The following AMN1 variants were observed in gnomAD, a reference collection of about 807,000 sequenced individuals.
The protein encoded by AMN1 is protein AMN1 homolog.
In AMN1, 20 loss-of-function variants were observed where a neutral mutation model predicts 33.0. The ratio of observed to expected loss-of-function variants is 0.61; its 90% CI spans 0.43 to 0.88. AMN1 has a LOEUF of 0.88. Ranked by LOEUF, AMN1 falls within the 40% of genes least tolerant of loss-of-function variation. The probability of loss-of-function intolerance (pLI) is 0.00; values close to 1 mark genes in which losing one functional copy is unlikely to be tolerated. For synonymous variants in AMN1, 114 were observed against 111.9 expected (o/e 1.02, Z -0.12); for missense variants, 246 against 307.4 (o/e 0.80, Z 1.49).
chr12:31,689,507 T>TA lies in AMN1; in HGVS notation c.592-390dup, dbSNP rs147541761. 9.7e-3 allele frequency among the ~76,000 whole-genome samples: 1,476 copies of TA among 152,268 alleles called. 21 individuals are homozygous for TA. Among genetic ancestry groups the TA allele is most frequent in the African/African-American group, 0.034 (1,397 of 41,562 alleles). ...AAATCAATGCTTTATAGAAAACAGC[T>TA]AAAATGAAAAATATCTACTTGTATT... On this transcript the variant is annotated intron_variant, in intron 5 of 6. Coordinates refer to ENST00000281471, the MANE Select transcript of AMN1 (RefSeq NM_001113402.2).
At position 31,702,087 on chromosome 12, in the gene AMN1, G is replaced by C. The variant is rs192752736; in HGVS notation, c.172-80C>G. 2.4e-6 allele frequency: 3 copies of C among 1,268,028 alleles called. No individual in the cohort carries two copies. In the African/African-American group the frequency reaches 4.6e-5, roughly 20 times the overall value. The allele number at this position is 1,268,028 out of a possible 1,614,324, so 78.5% of individuals were successfully genotyped here. ...TTATTCCATATTCAGTGTTTTGGTG[G>C]TCATAACAGACAAGTGGCTGATGTA... On this transcript the variant is annotated intron_variant, in intron 2 of 6. Coordinates refer to ENST00000281471, the MANE Select transcript of AMN1 (RefSeq NM_001113402.2).
chr12:31,687,792 T>C lies in AMN1; in HGVS notation c.703+1215A>G, dbSNP rs1938331175. On this transcript the variant is annotated intron_variant, in intron 6 of 6. Coordinates refer to ENST00000281471, the MANE Select transcript of AMN1 (RefSeq NM_001113402.2). The surrounding 1 kb of genome is among the most constrained non-coding windows in gnomAD (Gnocchi z 4.1). Reference sequence around the variant, plus strand: ...TGATTTACAAGTTAGATCCAGTTTATATTACGGTGTGGACCTATTATAGGG... The same window carrying C: ...TGATTTACAAGTTAGATCCAGTTTACATTACGGTGTGGACCTATTATAGGG... Among the ~76,000 whole-genome samples, 1 of 152,198 alleles carries C rather than the reference T, an allele frequency of 6.6e-6. No homozygotes were observed. The highest frequency in any genetic ancestry group is 1.5e-5 in the Non-Finnish European group (1 of 68,032).
chr12:31,688,653 C>A (rs1938371636), intron 6 of AMN1, among the ~76,000 whole-genome samples: 2 of 151,646 alleles, frequency 1.3e-5, no homozygotes, highest in South Asian at 4.2e-4. Flanking sequence ...GCTAAAAATA[C>A]AAAAAAAATT....
At chr12:31,676,583 A>G (rs996529788) in intron 6 of AMN1, among the ~76,000 whole-genome samples, 19 of 149,366 alleles carry the variant, frequency 1.3e-4, no homozygotes, top group Non-Finnish European at 2.2e-4. Context: ...TGGCCTCCCA[A>G]AGTGCTGCAA....
intron 2 of AMN1, among the ~76,000 whole-genome samples, chr12:31,707,992 C>T (rs1939313826): frequency 6.6e-6 from 1 of 152,140 alleles, no homozygotes; most frequent in Admixed American, 6.6e-5. Flanking sequence ...TGTACGTCAC[C>T]TCTGGACCAC....
Position 31,707,864 on chromosome 12 carries a change from G to A in AMN1, c.171+1429C>T, listed in dbSNP as rs549588075. 2.0e-5 allele frequency among the ~76,000 whole-genome samples: 3 copies of A among 152,256 alleles called. No individual in the cohort carries two copies. In the South Asian group the frequency reaches 6.2e-4, roughly 32 times the overall value. ...AGGGACCAGCTGGAGCCATGGCAGA[G>A]GAACATAAATTGTGAAGATTTCATG... On this transcript the variant is annotated intron_variant, in intron 2 of 6. Coordinates refer to ENST00000281471, the MANE Select transcript of AMN1 (RefSeq NM_001113402.2).
chr12:31,688,604 T>TA (rs76077733), intron 6 of AMN1, among the ~76,000 whole-genome samples: 18,526 of 152,066 alleles, frequency 0.12, 1,512 homozygotes, highest in East Asian at 0.28. Context: ...GCTCAGGAGT[T>TA]AGAGACCAGC....
At chr12:31,699,842 G>C (rs1008000244) in intron 3 of AMN1, among the ~76,000 whole-genome samples, 1 of 152,106 alleles carries the variant, frequency 6.6e-6, no homozygotes, top group Admixed American at 6.6e-5. Context: ...CTAACTCCAG[G>C]TAGATAGTGT....
At position 31,686,682 on chromosome 12, in the gene AMN1, T is replaced by C. The variant is rs748577769; in HGVS notation, c.703+2325A>G. 6.6e-5 allele frequency among the ~76,000 whole-genome samples: 10 copies of C among 152,322 alleles called. No homozygotes were observed. In the East Asian group the frequency reaches 9.6e-4, roughly 15 times the overall value. ...ACAAAGCCTATTTTTTAATAAAGTG[T>C]TGACTGTCTCATGTAATCTATTGAA... On this transcript the variant is annotated intron_variant, in intron 6 of 6. Transcript: ENST00000281471.
intron 3 of AMN1, 35 bp from the exon 4 acceptor site, chr12:31,697,992 T>C: frequency 6.4e-7 from 1 of 1,572,512 alleles, no homozygotes; most frequent in Non-Finnish European, 8.7e-7. Flanking sequence ...CAATGAGCTA[T>C]ATGTGTGTAT....
In AMN1 at chr12:31,682,652, T is replaced by C. The variant is rs1592149257; in HGVS notation, c.703+6355A>G. Among the ~76,000 whole-genome samples the C allele has an allele frequency of 2.6e-5, 4 of 152,220 alleles. 1 individual carries two copies. In the Middle Eastern group the frequency reaches 0.014, roughly 518 times the overall value. On this transcript the variant is annotated intron_variant, in intron 6 of 6. Coordinates refer to ENST00000281471, the MANE Select transcript of AMN1 (RefSeq NM_001113402.2). Reference sequence around the variant, plus strand: ...GTATGTAAAGCAGGTGGGCTCTAGATAGATGGCTAATAATTTGGTTATTTA... The same window carrying C: ...GTATGTAAAGCAGGTGGGCTCTAGACAGATGGCTAATAATTTGGTTATTTA...
upstream of AMN1, chr12:31,729,094 G>A: frequency 7.1e-7 from 1 of 1,402,184 alleles, no homozygotes; most frequent in Non-Finnish European, 9.6e-7. Flanking sequence ...CCCACCGCGC[G>A]ACGCGTAGGT....
At chr12:31,722,967 G>A (rs1939929306) in intron 1 of AMN1, among the ~76,000 whole-genome samples, 1 of 152,154 alleles carries the variant, frequency 6.6e-6, no homozygotes, top group Admixed American at 6.5e-5. Flanking sequence ...GACCAGGCTG[G>A]CCAAGCTGGT....
intron 5 of AMN1, among the ~76,000 whole-genome samples, chr12:31,692,845 A>G (rs747264101): frequency 2.6e-4 from 40 of 152,192 alleles, no homozygotes; most frequent in Non-Finnish European, 4.9e-4. Flanking sequence ...TTAAATTTTA[A>G]TTATAAGGAT....
chr12:31,728,953 G>A lies in AMN1; in HGVS notation c.38+18C>T, dbSNP rs1199624184. ...GTGCTGGGGCGGCGCGAAGGGAGGC[G>A]GGACAGGGTAGACTCACAGATCCAG... On this transcript the variant is annotated intron_variant, in intron 1 of 6. Transcript: ENST00000281471. 2.6e-6 allele frequency: 4 copies of A among 1,541,342 alleles called. No homozygotes were observed. The highest frequency in any genetic ancestry group is 3.5e-6 in the Non-Finnish European group (4 of 1,140,192).
chr12:31,677,659 T>TAA (rs1392188080), intron 6 of AMN1, among the ~76,000 whole-genome samples: 1 of 152,136 alleles, frequency 6.6e-6, no homozygotes, highest in African/African-American at 2.4e-5. Flanking sequence ...TACTTTGAAC[T>TAA]AAAGGACATT....
chr12:31,686,937 C>T (rs2139668955), intron 6 of AMN1, among the ~76,000 whole-genome samples: 1 of 152,280 alleles, frequency 6.6e-6, no homozygotes, highest in South Asian at 2.1e-4. Flanking sequence ...TATACAATGA[C>T]ATTTTTTTTC....
intron 3 of AMN1, among the ~76,000 whole-genome samples, chr12:31,699,443 G>C (rs1376140831): frequency 7.5e-6 from 1 of 132,990 alleles, no homozygotes; most frequent in African/African-American, 2.7e-5. Flanking sequence ...AAAGAAAAAG[G>C]AAGAAGAAAA....
At chr12:31,715,373 G>C in intron 1 of AMN1, 1 of 215,948 alleles carries the variant, frequency 4.6e-6, no homozygotes, top group Non-Finnish European at 1.0e-5. Flanking sequence ...AGGATCTCTG[G>C]ATTCTTTGCT....
Sources: gnomAD v4.1 joint callset for allele counts (sites outside exome capture counted in the v4.1 genomes callset) on GRCh38, gnomAD v4.1.1 for gene constraint, Gnocchi (gnomAD v3.1) non-coding constraint, MANE v1.5 for transcripts, NCBI Gene and HGNC (gene_info 2026-07-23, HGNC 2026-07-21) for gene names.